PLCXD3: variants seen among roughly 807,000 people sequenced by gnomAD.
The protein encoded by PLCXD3 is phosphatidylinositol specific phospholipase C X domain containing 3, also known as PI-PLC X domain-containing protein 3.
In PLCXD3, 19 loss-of-function variants were observed where a neutral mutation model predicts 25.5. The observed-to-expected ratio is 0.75, with a 90% CI of 0.52 to 1.09. The LOEUF (loss-of-function observed/expected upper bound fraction) is 1.09. Among genes scored for constraint, PLCXD3 ranks in the 50% least tolerant of loss-of-function variants. PLCXD3 has a pLI of 0.00. For synonymous variants in PLCXD3, 174 were observed against 137.6 expected, an observed-to-expected ratio of 1.26 and a Z score of -1.85; for missense variants, 411 against 388.1, an observed-to-expected ratio of 1.06 and a Z score of -0.50.
At chr5:41,447,192 G>A (rs921107212) in intron 1 of PLCXD3, among the ~76,000 whole-genome samples, 4 of 152,100 alleles carry the variant, frequency 2.6e-5, no homozygotes, top group South Asian at 4.1e-4. Flanking sequence ...GATCAATTTG[G>A]TCATGTTAAT....
chr5:41,337,995 G>A (rs1020515721), intron 2 of PLCXD3, among the ~76,000 whole-genome samples: 5 of 151,976 alleles, frequency 3.3e-5, no homozygotes, highest in African/African-American at 1.2e-4. Context: ...AAATTCCTAG[G>A]AACTTAATAA....
At chr5:41,468,259 T>A (rs1181702600) in intron 1 of PLCXD3, among the ~76,000 whole-genome samples, 2 of 151,880 alleles carry the variant, frequency 1.3e-5, no homozygotes, top group African/African-American at 4.8e-5. Context: ...CTCAGGTGAT[T>A]CACCCACCTT....
rs1275924802 is a variant in PLCXD3, at chr5:41,308,539, G to T, written c.*5078C>A. ...ACATGTGTAGATCCTTGTCAGTCATGAGTTTTCTATTGCTAGACTAATTCT... is the reference window on the plus strand; with the variant it reads ...ACATGTGTAGATCCTTGTCAGTCATTAGTTTTCTATTGCTAGACTAATTCT... On this transcript the variant is annotated 3_prime_UTR_variant, in exon 3 of 3. Transcript: ENST00000377801. 6.7e-6 allele frequency: 1 copy of T among 149,822 alleles called. No individual in the cohort carries two copies. The highest frequency in any genetic ancestry group is 2.5e-5 in the African/African-American group (1 of 40,586). The allele number at this position is 149,822 out of a possible 1,614,324, so 9.3% of individuals were successfully genotyped here. A position where few individuals can be genotyped will look rare whatever the true frequency, so the allele number is the denominator to read the frequency against.
chr5:41,472,038 C>T lies in PLCXD3; in HGVS notation c.103+38386G>A, dbSNP rs188757511. On this transcript the variant is annotated intron_variant, in intron 1 of 2. Coordinates refer to ENST00000377801, the MANE Select transcript of PLCXD3 (RefSeq NM_001005473.3). ...CTTTCTTTTCTTCTCTTCTTCTCTC[C>T]TACTTTGACAACCAAGACTCCAAGC... Among the ~76,000 whole-genome samples the T allele has an allele frequency of 2.3e-4, 34 of 147,378 alleles. No individual in the cohort carries two copies. The East Asian group carries it at 6.4e-3, about 28-fold the overall frequency.
rs972541585 is a variant in PLCXD3 at position 41,306,967 on chromosome 5, C to T, written c.*6650G>A. The stretch of plus-strand genomic sequence containing the variant: ...AAAATAAAGATAATTGGTACCAGGA[C>T]TTTATTAGGCATTTCACTGAATACA... On this transcript the variant is annotated 3_prime_UTR_variant, in exon 3 of 3. Transcript: ENST00000377801. The T allele has an allele frequency of 3.3e-5, 5 of 152,462 alleles. No homozygotes were observed. The highest frequency in any genetic ancestry group is 1.2e-4 in the African/African-American group (5 of 41,396). The allele number at this position is 152,462 out of a possible 1,614,324, so 9.4% of individuals were successfully genotyped here.
intron 1 of PLCXD3, among the ~76,000 whole-genome samples, chr5:41,497,164 C>T (rs1228656730): frequency 6.6e-6 from 1 of 151,224 alleles, no homozygotes; most frequent in Non-Finnish European, 1.5e-5. Context: ...ATGAAAAAGT[C>T]AAAAGACAAT....
At chr5:41,357,363 G>A (rs1236190146) in intron 2 of PLCXD3, among the ~76,000 whole-genome samples, 1 of 152,146 alleles carries the variant, frequency 6.6e-6, no homozygotes, top group Non-Finnish European at 1.5e-5. Flanking sequence ...AATTTAAGGT[G>A]GCATTGGCCA....
intron 2 of PLCXD3, among the ~76,000 whole-genome samples, chr5:41,350,541 A>C (rs1744430247): frequency 6.6e-6 from 1 of 152,222 alleles, no homozygotes; most frequent in Non-Finnish European, 1.5e-5. Flanking sequence ...GACTCCTTCA[A>C]GGTATGGAAT....
At chr5:41,400,118 C>G (rs1746134433) in intron 1 of PLCXD3, among the ~76,000 whole-genome samples, 1 of 151,968 alleles carries the variant, frequency 6.6e-6, no homozygotes, top group South Asian at 2.1e-4. Context: ...CAGAGAAATG[C>G]AAATCAAAAC....
At chr5:41,475,025 C>A (rs1748249677) in intron 1 of PLCXD3, among the ~76,000 whole-genome samples, 1 of 152,168 alleles carries the variant, frequency 6.6e-6, no homozygotes, top group South Asian at 2.1e-4. Context: ...CAGTACAAGC[C>A]AATTTTCATC....
intron 1 of PLCXD3, among the ~76,000 whole-genome samples, chr5:41,486,219 T>C (rs915946025): frequency 6.6e-6 from 1 of 152,036 alleles, no homozygotes; most frequent in African/African-American, 2.4e-5. Context: ...CTTCCCTGTG[T>C]TTCTGGGAAA....
In PLCXD3 at chr5:41,440,215, ATTTTTTTTTTTT is replaced by A. The variant is rs70988846; in HGVS notation, c.104-57693_104-57682del. On this transcript the variant is annotated intron_variant, in intron 1 of 2. Transcript: ENST00000377801. ...TCTGAGCAAATTACATAATCTCTCA[ATTTTTTTTTTTT>A]TTTTTTTTTTTTTTTTTTTTTTTTA... Among the ~76,000 whole-genome samples, 25 of 41,080 alleles carry A rather than the reference ATTTTTTTTTTTT, an allele frequency of 6.1e-4. 1 individual carries two copies. Among genetic ancestry groups the A allele is most frequent in the South Asian group, 4.2e-3 (4 of 948 alleles). The allele number at this position is 41,080 out of a possible 152,430, so 27.0% of individuals were successfully genotyped here. A position where few individuals can be genotyped will look rare whatever the true frequency, so the allele number is the denominator to read the frequency against.
At chr5:41,329,921 A>G (rs4957153) in intron 2 of PLCXD3, among the ~76,000 whole-genome samples, 12,749 of 151,424 alleles carry the variant, frequency 0.084, 824 homozygotes, top group East Asian at 0.35. Context: ...AAGTATATGT[A>G]TTTGTGTATA....
At chr5:41,493,766 C>T (rs915535997) in intron 1 of PLCXD3, among the ~76,000 whole-genome samples, 4 of 152,186 alleles carry the variant, frequency 2.6e-5, no homozygotes, top group Non-Finnish European at 5.9e-5. Context: ...TCTCCTGGTG[C>T]GCCGTTTTTT....
At chr5:41,384,935 A>C (rs1430922728) in intron 1 of PLCXD3, among the ~76,000 whole-genome samples, 2 of 152,136 alleles carry the variant, frequency 1.3e-5, no homozygotes, top group African/African-American at 2.4e-5. Context: ...GGTGCTTCAC[A>C]CTGTAAATAT....
intron 1 of PLCXD3, among the ~76,000 whole-genome samples, chr5:41,467,035 T>C (rs1748031620): frequency 6.6e-6 from 1 of 152,172 alleles, no homozygotes; most frequent in African/African-American, 2.4e-5. Flanking sequence ...CAGACATTCC[T>C]TTGACATGTT....
intron 1 of PLCXD3, among the ~76,000 whole-genome samples, chr5:41,448,375 A>G (rs1410005283): frequency 6.6e-6 from 1 of 152,224 alleles, no homozygotes; most frequent in Admixed American, 6.5e-5. Flanking sequence ...CCCACATCCC[A>G]AACTGGCATC....
chr5:41,400,750 T>G (rs187834456), intron 1 of PLCXD3, among the ~76,000 whole-genome samples: 1 of 152,078 alleles, frequency 6.6e-6, no homozygotes, highest in Admixed American at 6.5e-5. Flanking sequence ...AAAAACTAGT[T>G]AAAGAATGAG....
At chr5:41,434,217 G>A (rs922019795) in intron 1 of PLCXD3, among the ~76,000 whole-genome samples, 7 of 152,156 alleles carry the variant, frequency 4.6e-5, no homozygotes, top group Non-Finnish European at 1.5e-5. Flanking sequence ...GTATCACAAA[G>A]CACCCTGGGT....
Sources: gnomAD v4.1 joint callset for allele counts (sites outside exome capture counted in the v4.1 genomes callset) on GRCh38, gnomAD v4.1.1 for gene constraint, MANE v1.5 for transcripts, NCBI Gene and HGNC (gene_info 2026-07-23, HGNC 2026-07-21) for gene names.